Variants in RFX2 observed in about 807,000 individuals in gnomAD.
RFX2 encodes the protein DNA-binding protein RFX2.
Under a neutral mutation model 87.8 loss-of-function variants are expected in RFX2, and 20 were observed. The observed-to-expected ratio is 0.23, with a 90% CI of 0.16 to 0.33. The LOEUF is 0.33. Among genes scored for constraint, RFX2 ranks in the 10% least tolerant of loss-of-function variants. The pLI is 1.00. For missense variants in RFX2, 767 were observed against 1,012.3 expected, an observed-to-expected ratio of 0.76 and a Z score of 3.29; for synonymous variants, 397 against 431.3, an observed-to-expected ratio of 0.92 and a Z score of 0.98.
intron 12 of RFX2, among the ~76,000 whole-genome samples, chr19:6,006,148 C>T (rs535904502): frequency 1.1e-3 from 166 of 152,280 alleles, no homozygotes; most frequent in Non-Finnish European, 2.0e-3. Flanking sequence ...ATTCTACGGC[C>T]CACAGCGGCT....
In RFX2 at chr19:6,038,035, G is replaced by A. The variant is rs10425716; in HGVS notation, c.522+1945C>T. The stretch of plus-strand genomic sequence containing the variant: ...TAGGAAGCAGATCTAAATGTAAAAT[G>A]TAAAACTATGGTCAGGCGCGGTGGC... On this transcript the variant is annotated intron_variant, in intron 5 of 17. Coordinates refer to ENST00000303657, the MANE Select transcript of RFX2 (RefSeq NM_000635.4). Among the ~76,000 whole-genome samples, 962 of 152,176 alleles carry A rather than the reference G, an allele frequency of 6.3e-3. 12 individuals carry two copies. Among genetic ancestry groups the A allele is most frequent in the African/African-American group, 0.022 (912 of 41,516 alleles).
rs963541626 is a variant in RFX2 at position 6,064,078 on chromosome 19, C to T, written c.-8-16574G>A. ...CTGGATCTATGTCATCTCAGCAGCC[C>T]CCTCACAGATCCCTCACCCCAACCC... On this transcript the variant is annotated intron_variant, in intron 1 of 17. Coordinates refer to ENST00000303657, the MANE Select transcript of RFX2 (RefSeq NM_000635.4). The surrounding 1 kb of genome is among the most constrained non-coding windows in gnomAD (Gnocchi z 4.8). Among the ~76,000 whole-genome samples the T allele has an allele frequency of 6.6e-5, 10 of 152,180 alleles. No homozygotes were observed. Among genetic ancestry groups the T allele is most frequent in the African/African-American group, 2.2e-4 (9 of 41,436 alleles).
chr19:6,006,646 C>T (rs2144684981), intron 12 of RFX2, among the ~76,000 whole-genome samples: 2 of 151,968 alleles, frequency 1.3e-5, no homozygotes, highest in South Asian at 4.2e-4. Context: ...AGATGGTTTT[C>T]AGCATGTTGG....
At chr19:6,075,442 G>C (rs564628236) in intron 1 of RFX2, among the ~76,000 whole-genome samples, 1 of 152,188 alleles carries the variant, frequency 6.6e-6, no homozygotes, top group African/African-American at 2.4e-5. Flanking sequence ...GGAAGCAAAC[G>C]TCAGGGCTGG....
intron 1 of RFX2, among the ~76,000 whole-genome samples, chr19:6,080,212 G>GTGTC (rs1334693086): frequency 6.6e-6 from 1 of 151,166 alleles, no homozygotes; most frequent in African/African-American, 2.4e-5. Flanking sequence ...ATGTGTGTGT[G>GTGTC]TGTGTGTGTG....
intron 1 of RFX2, among the ~76,000 whole-genome samples, chr19:6,086,633 G>A (rs1036542982): frequency 6.6e-6 from 1 of 152,332 alleles, no homozygotes; most frequent in African/African-American, 2.4e-5. Flanking sequence ...ATCTAATCTT[G>A]CCGGAAAGGG....
At position 6,061,209 on chromosome 19, in the gene RFX2, T is replaced by C. The variant is rs952911631; in HGVS notation, c.-8-13705A>G. Among the ~76,000 whole-genome samples, 4 of 152,124 alleles carry C rather than the reference T, an allele frequency of 2.6e-5. No homozygotes were observed. The highest frequency in any genetic ancestry group is 9.7e-5 in the African/African-American group (4 of 41,412). On this transcript the variant is annotated intron_variant, in intron 1 of 17. Transcript: ENST00000303657. The surrounding 1 kb of genome is among the most constrained non-coding windows in gnomAD (Gnocchi z 5.2). ...CCTACCTGGAACCACCACATCCGCCTCCTAATTGGTCTCCCTGCTTCCAGC... is the reference window on the plus strand; with the variant it reads ...CCTACCTGGAACCACCACATCCGCCCCCTAATTGGTCTCCCTGCTTCCAGC...
intron 5 of RFX2, among the ~76,000 whole-genome samples, chr19:6,029,808 A>C (rs2144741476): frequency 6.6e-6 from 1 of 152,344 alleles, no homozygotes; most frequent in Non-Finnish European, 1.5e-5. Flanking sequence ...GAACCAAATA[A>C]AATTTCTGGA....
intron 6 of RFX2, among the ~76,000 whole-genome samples, chr19:6,018,226 T>C (rs2086757415): frequency 6.6e-6 from 1 of 152,178 alleles, no homozygotes; most frequent in Non-Finnish European, 1.5e-5. Context: ...CGCCTTGGCC[T>C]CCCAAAGTGC....
Position 6,007,772 on chromosome 19 carries a change from A to G in RFX2, c.1165T>C (p.Phe389Leu), listed in dbSNP as rs771656971. 1 of 1,554,414 alleles carries G rather than the reference A, an allele frequency of 6.4e-7. No homozygotes were observed. The highest frequency in any genetic ancestry group is 1.4e-5 in the African/African-American group (1 of 73,318). The change falls in exon 11 of 18, where the codon TTC becomes CTC. Residue 389 changes from phenylalanine to leucine, a missense_variant. Physicochemically the swap from Phe to Leu is conservative, Grantham distance 22. Coordinates refer to ENST00000303657, the MANE Select transcript of RFX2 (RefSeq NM_000635.4). The surrounding 1 kb of genome is among the most constrained non-coding windows in gnomAD (Gnocchi z 8.2). Reference protein sequence around the residue: ...ATVDVVMNLQFHYIEKLWLSF... With the variant: ...ATVDVVMNLQLHYIEKLWLSF... ...AGCCACAGCTTCTCGATGTAGTGGA[A>G]CTGGAGGTTCATCACCACATCTACA...
At chr19:6,087,163 A>C (rs568797355) in intron 1 of RFX2, among the ~76,000 whole-genome samples, 28 of 152,274 alleles carry the variant, frequency 1.8e-4, no homozygotes, top group Non-Finnish European at 3.8e-4. Flanking sequence ...AGCGGGTCAG[A>C]AGCCACAAGC....
intron 5 of RFX2, among the ~76,000 whole-genome samples, chr19:6,031,423 C>CTTTTTTTTTTTTTTTTT (rs58834364): frequency 4.4e-5 from 4 of 90,186 alleles, no homozygotes; most frequent in Admixed American, 1.8e-4. Flanking sequence ...TTCTCCTTCC[C>CTTTTTTTTTTTTTTTTT]TTTTTTTTTT....
chr19:6,056,376 C>A lies in RFX2; in HGVS notation c.-8-8872G>T, dbSNP rs1471668399. Among the ~76,000 whole-genome samples the A allele has an allele frequency of 6.6e-6, 1 of 152,150 alleles. No individual in the cohort carries two copies. The highest frequency in any genetic ancestry group is 6.5e-5 in the Admixed American group (1 of 15,282). ...CATGATAAGGAGTTAAACAAACACA[C>A]ACACAAGACACCAGCGATGAGCAGG... On this transcript the variant is annotated intron_variant, in intron 1 of 17. Transcript: ENST00000303657. The surrounding 1 kb of genome is among the most constrained non-coding windows in gnomAD (Gnocchi z 4.6).
intron 5 of RFX2, among the ~76,000 whole-genome samples, chr19:6,028,659 A>G (rs1394896453): frequency 1.3e-5 from 2 of 152,120 alleles, no homozygotes; most frequent in East Asian, 3.9e-4. Context: ...CTTTATCAGA[A>G]CTCTGGAAAT....
chr19:6,083,140 C>G lies in RFX2; in HGVS notation c.-9+27253G>C, dbSNP rs1485508328. On this transcript the variant is annotated intron_variant, in intron 1 of 17. Coordinates refer to ENST00000303657, the MANE Select transcript of RFX2 (RefSeq NM_000635.4). The surrounding 1 kb of genome is among the most constrained non-coding windows in gnomAD (Gnocchi z 4.6). Reference sequence around the variant, plus strand: ...CAGGCTGGTCTTGAACTCCTGGCCTCAAGTGATCCACCCGCCTTGGCTTCC... The same window carrying G: ...CAGGCTGGTCTTGAACTCCTGGCCTGAAGTGATCCACCCGCCTTGGCTTCC... Among the ~76,000 whole-genome samples, 1 of 152,174 alleles carries G rather than the reference C, an allele frequency of 6.6e-6. No individual in the cohort carries two copies. Among genetic ancestry groups the G allele is most frequent in the Admixed American group, 6.5e-5 (1 of 15,274 alleles).
rs554710104 is a variant in RFX2 at position 6,044,551 on chromosome 19, G to A, written c.91-269C>T. On this transcript the variant is annotated intron_variant, in intron 2 of 17. Coordinates refer to ENST00000303657, the MANE Select transcript of RFX2 (RefSeq NM_000635.4). The surrounding 1 kb of genome is among the most constrained non-coding windows in gnomAD (Gnocchi z 5.3). Reference sequence around the variant, plus strand: ...CAGCCCATGCACCACACATATGCACGAATTGTGGGCACACACACACGTATG... The same window carrying A: ...CAGCCCATGCACCACACATATGCACAAATTGTGGGCACACACACACGTATG... Among the ~76,000 whole-genome samples the A allele has an allele frequency of 6.6e-5, 10 of 152,308 alleles. No individual in the cohort carries two copies. The highest frequency in any genetic ancestry group is 2.2e-4 in the African/African-American group (9 of 41,574).
At position 6,007,730 on chromosome 19, in the gene RFX2, T is replaced by C. The variant is rs1370536102; in HGVS notation, c.1207A>G (p.Lys403Glu). The C allele has an allele frequency of 2.6e-6, 4 of 1,555,836 alleles. No individual in the cohort carries two copies. Among genetic ancestry groups the C allele is most frequent in the Non-Finnish European group, 3.5e-6 (4 of 1,148,758 alleles). The change falls in exon 11 of 18, where the codon AAG becomes GAG. Residue 403 changes from lysine to glutamate, a missense_variant. Lys to Glu is a moderately conservative substitution (Grantham distance 56). Around this residue, in one of 2 missense-constraint regions of RFX2, gnomAD observed 621 missense variants for 873.0 expected, o/e 0.71. Transcript: ENST00000303657. This position sits in a 1 kb window ranked among gnomAD's most constrained non-coding sequence, Gnocchi z 8.2. ...EKLWLSFWNS[K>E]ASSSDGPTSL... ...GTGGGGCCGTCGCTGGAGGAGGCCT[T>C]AGAGTTCCAGAAGGAGAGCCACAGC...
chr19:6,060,579 C>A (rs1437445946), intron 1 of RFX2, among the ~76,000 whole-genome samples: 1 of 152,164 alleles, frequency 6.6e-6, no homozygotes, highest in Non-Finnish European at 1.5e-5. Context: ...TAAGTCCAGA[C>A]TCTCAGGAGG....
intron 1 of RFX2, among the ~76,000 whole-genome samples, chr19:6,069,985 A>G: frequency 6.8e-5 from 4 of 58,858 alleles, no homozygotes; most frequent in East Asian, 5.0e-4. Context: ...ATGTTCTTTC[A>G]TGGATGGGAT....
Sources: allele counts gnomAD v4.1 joint callset (sites outside exome capture counted in the v4.1 genomes callset), GRCh38; gene constraint gnomAD v4.1.1; regional missense constraint gnomAD v4.1.1; non-coding constraint Gnocchi (gnomAD v3.1); transcripts MANE v1.5; gene names NCBI Gene and HGNC (gene_info 2026-07-23, HGNC 2026-07-21).